The following EED variants were observed in gnomAD, a reference collection of about 807,000 sequenced individuals.
The protein encoded by EED is embryonic ectoderm development.
A neutral mutation model predicts 61.0 loss-of-function variants in EED; 9 were observed. That is an observed-to-expected ratio of 0.15 (90% CI 0.09 to 0.26). The LOEUF (loss-of-function observed/expected upper bound fraction) is 0.26. EED is among the 10% of genes least tolerant of loss of function. The probability of loss-of-function intolerance (pLI) is 1.00; values close to 1 mark genes in which losing one functional copy is unlikely to be tolerated. For synonymous variants in EED, 187 were observed against 174.4 expected, an observed-to-expected ratio of 1.07 and a Z score of -0.57; for missense variants, 315 against 542.3, an observed-to-expected ratio of 0.58 and a Z score of 4.16.
At chr11:86,283,513 C>G (rs1946346815), downstream of EED, among the ~76,000 whole-genome samples, 1 of 152,154 alleles carries the variant, frequency 6.6e-6, no homozygotes, top group South Asian at 2.1e-4. Flanking sequence ...TATTTCACTG[C>G]TATAACCCCA....
rs11821259 is a variant in EED at position 86,258,858 on chromosome 11, T to C, written c.634+1262T>C. Among the ~76,000 whole-genome samples the C allele has an allele frequency of 4.1e-3, 592 of 143,508 alleles. 4 individuals are homozygous for C. The highest frequency in any genetic ancestry group is 0.014 in the African/African-American group (565 of 39,630). 94.1% of individuals were successfully genotyped at this position (143,508 alleles called of 152,430 possible). On this transcript the variant is annotated intron_variant, in intron 6 of 11. Coordinates refer to ENST00000263360, the MANE Select transcript of EED (RefSeq NM_003797.5). ...GGTGTGAGCCACTGCGTCCTGCCTC[T>C]ATTTATTTATTTATTTATTTATTTT...
rs1307519039 is a variant in EED at position 86,257,608 on chromosome 11, A to G, written c.634+12A>G. On this transcript the variant is annotated intron_variant, in intron 6 of 11. Transcript: ENST00000263360. ...GTCAGTAAGTAAAGGTAAGTGAAGC[A>G]AATGTTTCTTGAGTCTGTGCAATTT... 1.2e-6 allele frequency: 2 copies of G among 1,600,594 alleles called. No homozygotes were observed. The highest frequency in any genetic ancestry group is 4.5e-5 in the East Asian group (2 of 44,482).
At chr11:86,282,431 T>A (rs1054836979), downstream of EED, among the ~76,000 whole-genome samples, 3 of 152,188 alleles carry the variant, frequency 2.0e-5, no homozygotes, top group African/African-American at 7.2e-5. Context: ...TTAATACATT[T>A]CCATGAATGT....
intron 6 of EED, among the ~76,000 whole-genome samples, chr11:86,261,319 A>G (rs1945821193): frequency 1.3e-5 from 2 of 152,260 alleles, no homozygotes; most frequent in African/African-American, 2.4e-5. Context: ...ATTAAATCCA[A>G]GGCACCAGAA....
intron 5 of EED, among the ~76,000 whole-genome samples, chr11:86,256,955 C>CT (rs1322801393): frequency 6.6e-6 from 1 of 152,132 alleles, no homozygotes; most frequent in Non-Finnish European, 1.5e-5. Flanking sequence ...ACATCACACT[C>CT]TCCTGAGGAT....
downstream of EED, among the ~76,000 whole-genome samples, chr11:86,283,586 A>G (rs1316970278): frequency 3.3e-5 from 5 of 152,258 alleles, no homozygotes; most frequent in East Asian, 9.6e-4. Context: ...AAAATAAGCT[A>G]ACAGTAAGAG....
At chr11:86,245,462 A>C in intron 1 of EED, 119 bp downstream of exon 1, 1 of 827,606 alleles carries the variant, frequency 1.2e-6, no homozygotes, top group Non-Finnish European at 1.9e-6. Context: ...CACTCAGGAA[A>C]ACGCGGGCGT....
intron 9 of EED, 148 bp from the exon 10 acceptor site, chr11:86,276,832 A>G: frequency 1.9e-6 from 1 of 523,706 alleles, no homozygotes; most frequent in Non-Finnish European, 3.0e-6. Context: ...CTGTAAATAT[A>G]AATGAATGTA....
chr11:86,245,434 G>A, intron 1 of EED, 91 bp downstream of exon 1: 2 of 1,063,842 alleles, frequency 1.9e-6, no homozygotes, highest in Non-Finnish European at 2.8e-6. Flanking sequence ...GGGCTGCTGT[G>A]GGGGGAGGGA....
intron 9 of EED, among the ~76,000 whole-genome samples, chr11:86,272,580 TGA>T: frequency 6.6e-6 from 1 of 152,364 alleles, no homozygotes; most frequent in East Asian, 1.9e-4. Flanking sequence ...TATCAACTAT[TGA>T]GAGACAGGTG....
intron 6 of EED, 200 bp from the exon 7 acceptor site, chr11:86,263,972 G>A (rs1945909976): frequency 7.6e-6 from 4 of 525,888 alleles, no homozygotes; most frequent in African/African-American, 1.9e-5. Flanking sequence ...CTTTTGGGGG[G>A]GCCTATTCAA....
chr11:86,279,198 G>A (rs1946294888), downstream of EED, among the ~76,000 whole-genome samples: 1 of 152,132 alleles, frequency 6.6e-6, no homozygotes, highest in Admixed American at 6.5e-5. Context: ...ATGTTTAACT[G>A]TAACCTTTCT....
Position 86,278,717 on chromosome 11 carries a change from T to C in EED, c.*192T>C, listed in dbSNP as rs550606530. 3.8e-5 allele frequency: 23 copies of C among 610,268 alleles called. No homozygotes were observed. Among genetic ancestry groups the C allele is most frequent in the Middle Eastern group, 1.0e-3 (2 of 1,970 alleles). 37.8% of individuals were successfully genotyped at this position (610,268 alleles called of 1,614,324 possible). ...CTTCCTGCTCAGACTCTACTGCTTT[T>C]AATAAAAATTTATTTTTGTAAAGCT... On this transcript the variant is annotated 3_prime_UTR_variant, in exon 12 of 12. Coordinates refer to ENST00000263360, the MANE Select transcript of EED (RefSeq NM_003797.5).
In EED at chr11:86,264,157, G is replaced by T. The variant is rs774811170; in HGVS notation, c.635-15G>T. The stretch of plus-strand genomic sequence containing the variant: ...AATAAAAAACATTCGCCTAATTTTT[G>T]TATGTTTATACTAGATCATGCTTTA... On this transcript the variant is annotated splice_polypyrimidine_tract_variant and intron_variant, in intron 6 of 11. Transcript: ENST00000263360. 3 of 1,589,796 alleles carry T rather than the reference G, an allele frequency of 1.9e-6. No individual in the cohort carries two copies. Among genetic ancestry groups the T allele is most frequent in the Non-Finnish European group, 2.6e-6 (3 of 1,164,716 alleles).
At chr11:86,254,389 T>A (rs1945615505) in intron 3 of EED, among the ~76,000 whole-genome samples, 1 of 150,460 alleles carries the variant, frequency 6.6e-6, no homozygotes, top group South Asian at 2.1e-4. Context: ...GGTGCAATCT[T>A]GGCTCACTGC....
chr11:86,257,574 T>C lies in EED; in HGVS notation c.612T>C (p.Asn204=), dbSNP rs1945711171. The C allele has an allele frequency of 6.2e-7, 1 of 1,612,278 alleles. No individual in the cohort carries two copies. Among genetic ancestry groups the C allele is most frequent in the Non-Finnish European group, 8.5e-7 (1 of 1,179,072 alleles). Residue 204 remains asparagine (N), a synonymous_variant, in exon 6 of 12, where the codon AAT becomes AAC. Coordinates refer to ENST00000263360, the MANE Select transcript of EED (RefSeq NM_003797.5). ...NELKFHPRDP[N]LLLSVSKDHA... ...TGAAATTCCATCCAAGAGATCCAAA[T>C]CTTCTCCTGTCAGTAAGTAAAGGTA... is the stretch of plus-strand genomic sequence containing the variant.
chr11:86,275,638 A>C (rs552560321), intron 9 of EED, among the ~76,000 whole-genome samples: 1 of 152,306 alleles, frequency 6.6e-6, no homozygotes, highest in East Asian at 1.9e-4. Flanking sequence ...AGTAAGAAGC[A>C]CTTGAAGAGC....
chr11:86,281,310 T>C (rs1946320433), downstream of EED, among the ~76,000 whole-genome samples: 1 of 152,218 alleles, frequency 6.6e-6, no homozygotes, highest in South Asian at 2.1e-4. Context: ...GTATTAACAG[T>C]TGTAATATTT....
intron 3 of EED, 82 bp from the exon 4 acceptor site, chr11:86,255,140 G>A (rs1298850306): frequency 6.4e-6 from 7 of 1,085,856 alleles, no homozygotes; most frequent in Non-Finnish European, 9.5e-6. Flanking sequence ...AGATAGGATT[G>A]CGATTAAAAT....
Sources: allele counts gnomAD v4.1 joint callset (sites outside exome capture counted in the v4.1 genomes callset), GRCh38; gene constraint gnomAD v4.1.1; transcripts MANE v1.5; gene names NCBI Gene and HGNC (gene_info 2026-07-23, HGNC 2026-07-21).